The following CFAP74 variants were observed in gnomAD, a reference collection of about 807,000 sequenced individuals.
CFAP74 encodes the protein cilia and flagella associated protein 74.
Under a neutral mutation model 188.9 loss-of-function variants are expected in CFAP74, and 124 were observed. The ratio of observed to expected loss-of-function variants is 0.66; its 90% confidence interval spans 0.57 to 0.76. CFAP74 has a LOEUF of 0.76. Among genes scored for constraint, CFAP74 ranks in the 30% least tolerant of loss-of-function variants. The probability of loss-of-function intolerance (pLI) is 0.00; values close to 1 mark genes in which losing one functional copy is unlikely to be tolerated. For missense variants in CFAP74, 2,198 were observed against 2,165.2 expected (o/e 1.02, Z -0.30); for synonymous variants, 956 against 916.7 (o/e 1.04, Z -0.77).
At chr1:1,993,787 C>T (rs903695614) in intron 1 of CFAP74, among the ~76,000 whole-genome samples, 1 of 10,472 alleles carries the variant, frequency 9.5e-5, no homozygotes, top group Non-Finnish European at 2.3e-4. Context: ...TCGAGACCAT[C>T]CTGGCTAACA....
At chr1:1,992,119 G>C (rs115714041) in intron 1 of CFAP74, among the ~76,000 whole-genome samples, 4,728 of 152,072 alleles carry the variant, frequency 0.031, 249 homozygotes, top group African/African-American at 0.11. Context: ...GCATCGTCAC[G>C]CGTTGCTGGT....
At chr1:1,946,909 G>A (rs1394576388) in intron 19 of CFAP74, 81 bp downstream of exon 19, 2 of 1,129,716 alleles carry the variant, frequency 1.8e-6, no homozygotes, top group Non-Finnish European at 2.6e-6. Context: ...AGGGCCAGTG[G>A]GTTGGGGTGC....
At chr1:1,965,815 CAGT>C (rs752355849) in intron 12 of CFAP74, among the ~76,000 whole-genome samples, 19 of 152,214 alleles carry the variant, frequency 1.2e-4, no homozygotes, top group Non-Finnish European at 2.6e-4. Flanking sequence ...TTTGCCCTGA[CAGT>C]AGAGGTGGCC....
At chr1:1,962,476 C>CAAA (rs556157241) in intron 14 of CFAP74, among the ~76,000 whole-genome samples, 1 of 69,352 alleles carries the variant, frequency 1.4e-5, no homozygotes, top group African/African-American at 4.9e-5. Context: ...AACTCCATCT[C>CAAA]AAAAAAAAAA....
rs111918235 is a variant in CFAP74, at chr1:1,941,492, A to G, written c.2615+536T>C. Among the ~76,000 whole-genome samples the G allele has an allele frequency of 2.3e-3, 349 of 152,364 alleles. 1 individual carries two copies. Among genetic ancestry groups the G allele is most frequent in the African/African-American group, 8.0e-3 (332 of 41,586 alleles). ...GCAGGCCTGGGAAGAGCCTTGGATT[A>G]GACGAGGGACAGCTGGGTGACAGGG... On this transcript the variant is annotated intron_variant, in intron 22 of 38. Transcript: ENST00000682832.
At chr1:1,982,279 G>A (rs1183606541) in intron 6 of CFAP74, among the ~76,000 whole-genome samples, 3 of 98,280 alleles carry the variant, frequency 3.1e-5, no homozygotes, top group African/African-American at 3.6e-5. Context: ...ACACCCAGCC[G>A]TGGTCACACG....
rs374965811 is a variant in CFAP74 at position 1,983,735 on chromosome 1, C to T, written c.500+1651G>A. 2.0e-5 allele frequency: 3 copies of T among 152,406 alleles called. No individual in the cohort carries two copies. The East Asian group carries it at 5.8e-4, about 29-fold the overall frequency. 9.4% of individuals were successfully genotyped at this position (152,406 alleles called of 1,614,324 possible). A position where few individuals can be genotyped will look rare whatever the true frequency, so the allele number is the denominator to read the frequency against. On this transcript the variant is annotated intron_variant, in intron 6 of 38. Coordinates refer to ENST00000682832, the MANE Select transcript of CFAP74 (RefSeq NM_001304360.2). ...ACGGAGTCTCGCTCTGTCGCCCAGG[C>T]TGGAGTGCAGTGACGCAATCTTGGC... is the stretch of plus-strand genomic sequence containing the variant.
In CFAP74 at chr1:1,964,924, G is replaced by T. The variant is rs750395599; in HGVS notation, c.1539C>A (p.Arg513=). Residue 513 remains arginine, a synonymous_variant, in exon 13 of 39, where the codon CGC becomes CGA. Coordinates refer to ENST00000682832, the MANE Select transcript of CFAP74 (RefSeq NM_001304360.2). ...QVVWGREFQG[R]PFNSKPELLH... Reference sequence around the variant, plus strand: ...GGAGCTCCGGTTTGCTGTTGAAGGGGCGTCCTTGGAACTCACGCCCCCACA... The same window carrying T: ...GGAGCTCCGGTTTGCTGTTGAAGGGTCGTCCTTGGAACTCACGCCCCCACA... The T allele has an allele frequency of 6.2e-7, 1 of 1,613,754 alleles. No homozygotes were observed. Among genetic ancestry groups the T allele is most frequent in the Non-Finnish European group, 8.5e-7 (1 of 1,179,964 alleles).
chr1:1,987,024 C>T lies in CFAP74; in HGVS notation c.308G>A (p.Arg103His), dbSNP rs755266217. ...LFTEKMRGEL[R>H]ACRQRRDLID... The stretch of plus-strand genomic sequence containing the variant: ...CAGGTCCCGCCTCTGCCGACAGGCG[C>T]GCAGCTCCCCTCTGGAACAGGGAAA... The change falls in exon 5 of 39, where the codon CGC (arginine) becomes CAC (histidine). Residue 103 changes from arginine to histidine, a missense_variant. Arg to His is a conservative substitution (Grantham distance 29). Transcript: ENST00000682832. 28 of 1,597,492 alleles carry T rather than the reference C, an allele frequency of 1.8e-5. No individual in the cohort carries two copies. Among genetic ancestry groups the T allele is most frequent in the African/African-American group, 2.7e-5 (2 of 74,824 alleles).
Position 1,926,632 on chromosome 1 carries a change from G to T in CFAP74, c.3772+20C>A, listed in dbSNP as rs41315326. The T allele has an allele frequency of 0.078, 120,815 of 1,547,724 alleles. 11,753 individuals carry two copies. The highest frequency in any genetic ancestry group is 0.41 in the African/African-American group (29,962 of 73,006). On this transcript the variant is annotated intron_variant, in intron 30 of 38. Coordinates refer to ENST00000682832, the MANE Select transcript of CFAP74 (RefSeq NM_001304360.2). ...GCCTGGGCACCGGGGTGGAGGTGTG[G>T]GCGGGGCTTAGCGTCTCACCCACAG...
chr1:1,960,034 C>T lies in CFAP74; in HGVS notation c.1695-4G>A. The T allele has an allele frequency of 1.3e-6, 2 of 1,592,608 alleles. No individual in the cohort carries two copies. Among genetic ancestry groups the T allele is most frequent in the Non-Finnish European group, 8.5e-7 (1 of 1,171,340 alleles). ...CAGGGGGCCAGGGGGGTCAAAGCTG[C>T]AGGACGTGACCCATAGCACACGGGG... On this transcript the variant is annotated splice_polypyrimidine_tract_variant and splice_region_variant and intron_variant, in intron 14 of 38. Coordinates refer to ENST00000682832, the MANE Select transcript of CFAP74 (RefSeq NM_001304360.2).
intron 18 of CFAP74, chr1:1,953,765 T>C (rs1440061591): frequency 6.5e-6 from 1 of 153,608 alleles, no homozygotes; most frequent in Non-Finnish European, 1.5e-5. Context: ...ACAAAAGCGA[T>C]GTCCTATGTC....
chr1:1,946,503 C>T (rs375027110), intron 19 of CFAP74, 64 bp from the exon 20 acceptor site: 26 of 1,465,452 alleles, frequency 1.8e-5, no homozygotes, highest in African/African-American at 8.5e-5. Flanking sequence ...CCTTCCCAAC[C>T]CTCACAATGG....
intron 6 of CFAP74, among the ~76,000 whole-genome samples, chr1:1,977,963 C>T (rs2102089180): frequency 6.6e-6 from 1 of 152,330 alleles, no homozygotes; most frequent in East Asian, 1.9e-4. Context: ...CCCACCTCAG[C>T]CTGTAATCTT....
intron 12 of CFAP74, among the ~76,000 whole-genome samples, chr1:1,965,652 C>T (rs1278458145): frequency 6.7e-6 from 1 of 149,614 alleles, no homozygotes. Flanking sequence ...CCTGGCTTCC[C>T]GGGGTGGGGG....
intron 5 of CFAP74, among the ~76,000 whole-genome samples, chr1:1,986,026 G>A (rs374301313): frequency 1.4e-4 from 22 of 152,328 alleles, no homozygotes; most frequent in African/African-American, 5.3e-4. Flanking sequence ...GCTTTGAGCA[G>A]CTGGCCGGGT....
At chr1:1,970,601 C>T (rs1232024243) in intron 10 of CFAP74, 58 bp downstream of exon 10, 6 of 1,545,354 alleles carry the variant, frequency 3.9e-6, no homozygotes, top group Non-Finnish European at 5.3e-6. Context: ...CCTTGGCTCT[C>T]CCTGCACCCA....
chr1:1,982,647 T>G lies in CFAP74; in HGVS notation c.500+2739A>C, dbSNP rs145477714. Among the ~76,000 whole-genome samples, 10 of 152,322 alleles carry G rather than the reference T, an allele frequency of 6.6e-5. No homozygotes were observed. The East Asian group carries it at 1.9e-3, about 29-fold the overall frequency. ...CATGCAAATTAGACCCAGATAAAGCTGACTTAAAGGAAAGTCCACGGGCAG... is the reference window on the plus strand; with the variant it reads ...CATGCAAATTAGACCCAGATAAAGCGGACTTAAAGGAAAGTCCACGGGCAG... On this transcript the variant is annotated intron_variant, in intron 6 of 38. Coordinates refer to ENST00000682832, the MANE Select transcript of CFAP74 (RefSeq NM_001304360.2).
chr1:1,922,956 G>C (rs368072803), intron 37 of CFAP74, 29 bp downstream of exon 37: 4 of 1,542,424 alleles, frequency 2.6e-6, no homozygotes, highest in African/African-American at 1.4e-5. Flanking sequence ...GGGGCTGCCT[G>C]GTGTCCCCAG....
Sources: gnomAD v4.1 joint callset for allele counts (sites outside exome capture counted in the v4.1 genomes callset) on GRCh38, gnomAD v4.1.1 for gene constraint, MANE v1.5 for transcripts, NCBI Gene and HGNC (gene_info 2026-07-23, HGNC 2026-07-21) for gene names.